Variants in ZNF462 observed in about 807,000 individuals in gnomAD.
ZNF462 encodes the protein zinc finger PBX1-interacting protein.
ZNF462 carries 10 observed loss-of-function variants against 201.9 expected under a neutral mutation model. That is an observed-to-expected ratio of 0.05 (90% CI 0.03 to 0.08). The LOEUF (loss-of-function observed/expected upper bound fraction) is 0.08, where lower values mean the gene tolerates loss of function less well. ZNF462 is among the 10% of genes least tolerant of loss of function. ZNF462 has a pLI of 1.00. For missense variants in ZNF462, 2,523 were observed against 3,168.3 expected, an observed-to-expected ratio of 0.80 and a Z score of 4.89; for synonymous variants, 1,227 against 1,193.3, an observed-to-expected ratio of 1.03 and a Z score of -0.58.
Position 106,872,060 on chromosome 9 carries a change from A to G in ZNF462, c.-31+8705A>G, listed in dbSNP as rs1163809207. Among the ~76,000 whole-genome samples the G allele has an allele frequency of 1.3e-5, 2 of 152,214 alleles. No individual in the cohort carries two copies. Among genetic ancestry groups the G allele is most frequent in the Non-Finnish European group, 2.9e-5 (2 of 68,036 alleles). The stretch of plus-strand genomic sequence containing the variant: ...ATCCAAAATAAGGCCACTGTGGTCC[A>G]GAATGTTTAGCCATTCTAATCCCTA... On this transcript the variant is annotated intron_variant, in intron 1 of 12. Coordinates refer to ENST00000277225, the MANE Select transcript of ZNF462 (RefSeq NM_021224.6). This position sits in a 1 kb window ranked among gnomAD's most constrained non-coding sequence, Gnocchi z 4.5.
chr9:107,000,715 AT>A, intron 10 of ZNF462, among the ~76,000 whole-genome samples: 1 of 152,214 alleles, frequency 6.6e-6, no homozygotes, highest in Non-Finnish European at 1.5e-5. Flanking sequence ...GTCATGTACT[AT>A]TTTAAAATCA....
At chr9:106,903,340 G>C (rs192263814) in intron 1 of ZNF462, among the ~76,000 whole-genome samples, 103 of 152,148 alleles carry the variant, frequency 6.8e-4, no homozygotes, top group Admixed American at 1.1e-3. Flanking sequence ...TCATTTTGTG[G>C]CCTATCATAT....
intron 1 of ZNF462, among the ~76,000 whole-genome samples, chr9:106,904,872 C>T (rs1055682777): frequency 5.3e-5 from 8 of 152,156 alleles, no homozygotes; most frequent in Admixed American, 6.5e-5. Context: ...TCTCTGGTCT[C>T]GCCCTGATTA....
At chr9:106,921,615 G>T (rs1829995081) in intron 1 of ZNF462, among the ~76,000 whole-genome samples, 1 of 152,240 alleles carries the variant, frequency 6.6e-6, no homozygotes, top group African/African-American at 2.4e-5. Flanking sequence ...GGCTTGTTTG[G>T]CTGAGATGAA....
In ZNF462 at chr9:106,925,982, G is replaced by A. The variant is rs147884090; in HGVS notation, c.2070G>A (p.Val690=). The A allele has an allele frequency of 6.3e-5, 102 of 1,614,070 alleles. No homozygotes were observed. Among genetic ancestry groups the A allele is most frequent in the Non-Finnish European group, 8.1e-5 (95 of 1,180,044 alleles). ...ACTTTCCTCTAGATTTGTCACCCGT[G>A]AAGAAGAGAACCAGGATTGACGAGA... ...ANDFPLDLSP[V]KKRTRIDEIA... Residue 690 remains valine (V), a synonymous_variant, in exon 3 of 13, where the codon GTG becomes GTA. Transcript: ENST00000277225. The surrounding 1 kb of genome is among the most constrained non-coding windows in gnomAD (Gnocchi z 7.9).
chr9:106,923,528 G>A lies in ZNF462; in HGVS notation c.145G>A (p.Val49Met), dbSNP rs199632466. 158 of 1,614,106 alleles carry A rather than the reference G, an allele frequency of 9.8e-5. No individual in the cohort carries two copies. The highest frequency in any genetic ancestry group is 2.5e-4 in the African/African-American group (19 of 74,944). Residue 49 changes from valine (V) to methionine (M), a missense_variant, in exon 2 of 13, where the codon GTG becomes ATG. Around this residue, in one of 15 missense-constraint regions of ZNF462, gnomAD observed 480 missense variants for 544.4 expected, o/e 0.88. Coordinates refer to ENST00000277225, the MANE Select transcript of ZNF462 (RefSeq NM_021224.6). This position sits in a 1 kb window ranked among gnomAD's most constrained non-coding sequence, Gnocchi z 5.6. ...DNVNELRCGSVNASNQTEVEF... is the reference protein window; with the variant it reads ...DNVNELRCGSMNASNQTEVEF... ...TGTGAATGAGCTACGATGTGGGTCC[G>A]TGAATGCCAGTAATCAGACAGAGGT... is the stretch of plus-strand genomic sequence containing the variant.
Position 107,003,449 on chromosome 9 carries a change from A to G in ZNF462, c.7189+23A>G. On this transcript the variant is annotated intron_variant, in intron 11 of 12. Transcript: ENST00000277225. This position sits in a 1 kb window ranked among gnomAD's most constrained non-coding sequence, Gnocchi z 4.4. ...GAGGTTAGTCTCATCCTGCCCTCCC[A>G]ATCCCAGATGGCATCTGGCATGTCC... The G allele has an allele frequency of 6.2e-7, 1 of 1,611,702 alleles. No individual in the cohort carries two copies. The highest frequency in any genetic ancestry group is 8.5e-7 in the Non-Finnish European group (1 of 1,179,072).
In ZNF462 at chr9:106,993,674, A is replaced by G. The variant is rs1437291235; in HGVS notation, c.7056+9265A>G. ...TGCATTCTCTGTCCCCCAACATTCT[A>G]CCCCCCAACACACATAGTGAATTAT... On this transcript the variant is annotated intron_variant, in intron 10 of 12. Coordinates refer to ENST00000277225, the MANE Select transcript of ZNF462 (RefSeq NM_021224.6). The surrounding 1 kb of genome is among the most constrained non-coding windows in gnomAD (Gnocchi z 4.0). 7.9e-6 allele frequency among the ~76,000 whole-genome samples: 1 copy of G among 126,952 alleles called. No individual in the cohort carries two copies. The highest frequency in any genetic ancestry group is 1.6e-5 in the Non-Finnish European group (1 of 61,954). The allele number at this position is 126,952 out of a possible 152,430, so 83.3% of individuals were successfully genotyped here.
Position 106,924,566 on chromosome 9 carries a change from A to G in ZNF462, c.654A>G (p.Glu218=), listed in dbSNP as rs770233991. Residue 218 remains glutamate (E), a synonymous_variant, in exon 3 of 13, where the codon GAA becomes GAG. Coordinates refer to ENST00000277225, the MANE Select transcript of ZNF462 (RefSeq NM_021224.6). The surrounding 1 kb of genome is among the most constrained non-coding windows in gnomAD (Gnocchi z 6.2). The stretch of plus-strand genomic sequence containing the variant: ...TATCACTGCAGGACCCCTGCAAGGA[A>G]CTGCCAGCAGAGGTTGTGGAGCGCA... The part of the protein sequence containing the change: ...PPVSLQDPCK[E]LPAEVVERSI... 5 of 1,614,184 alleles carry G rather than the reference A, an allele frequency of 3.1e-6. No homozygotes were observed. The highest frequency in any genetic ancestry group is 2.2e-5 in the East Asian group (1 of 44,884).
chr9:106,900,861 C>G (rs541122198), intron 1 of ZNF462, among the ~76,000 whole-genome samples: 1 of 152,208 alleles, frequency 6.6e-6, no homozygotes, highest in East Asian at 1.9e-4. Context: ...CTGACTCTTC[C>G]TTTTGCTGTG....
Position 106,886,781 on chromosome 9 carries a change from GC to G in ZNF462, c.-31+23427del, listed in dbSNP as rs1314999246. Among the ~76,000 whole-genome samples, 1 of 152,142 alleles carries G rather than the reference GC, an allele frequency of 6.6e-6. No homozygotes were observed. Among genetic ancestry groups the G allele is most frequent in the Non-Finnish European group, 1.5e-5 (1 of 68,026 alleles). ...TGCTTATTCCACTACAACAGTGTTG[GC>G]AGATAGCTTCTATTTCTCGTGCCAA... On this transcript the variant is annotated intron_variant, in intron 1 of 12. Coordinates refer to ENST00000277225, the MANE Select transcript of ZNF462 (RefSeq NM_021224.6). This position sits in a 1 kb window ranked among gnomAD's most constrained non-coding sequence, Gnocchi z 4.6.
intron 7 of ZNF462, among the ~76,000 whole-genome samples, chr9:106,945,441 A>G (rs1282422751): frequency 6.6e-6 from 1 of 152,326 alleles, no homozygotes; most frequent in South Asian, 2.1e-4. Context: ...GTTAGTTGCT[A>G]GGGCATCAGC....
intron 1 of ZNF462, among the ~76,000 whole-genome samples, chr9:106,875,189 CT>C (rs1023523620): frequency 1.6e-4 from 25 of 152,244 alleles, no homozygotes; most frequent in Middle Eastern, 3.4e-3. Context: ...TTTCCATGAT[CT>C]TTCCCCCATC....
chr9:106,980,665 C>T (rs1292653849), intron 9 of ZNF462, among the ~76,000 whole-genome samples: 3 of 152,136 alleles, frequency 2.0e-5, no homozygotes, highest in African/African-American at 4.8e-5. Context: ...CCAACCTCTT[C>T]GGTTTTATGT....
At position 106,878,961 on chromosome 9, in the gene ZNF462, A is replaced by C. The variant is rs187345221; in HGVS notation, c.-31+15606A>C. The stretch of plus-strand genomic sequence containing the variant: ...AGACATGCTGCTGTAAACTGTCCCC[A>C]CATTTGGATAGAATTTAATAAAGTA... On this transcript the variant is annotated intron_variant, in intron 1 of 12. Coordinates refer to ENST00000277225, the MANE Select transcript of ZNF462 (RefSeq NM_021224.6). Among the ~76,000 whole-genome samples, 80 of 152,194 alleles carry C rather than the reference A, an allele frequency of 5.3e-4. 1 individual carries two copies. Among genetic ancestry groups the C allele is most frequent in the Non-Finnish European group, 1.0e-4 (7 of 67,966 alleles).
chr9:106,922,849 G>T (rs1260789801), intron 1 of ZNF462, among the ~76,000 whole-genome samples: 2 of 152,270 alleles, frequency 1.3e-5, no homozygotes, highest in East Asian at 3.9e-4. Flanking sequence ...CCACCCCCAA[G>T]ATTTAAATAC....
In ZNF462 at chr9:106,924,973, C is replaced by T; in HGVS notation, c.1061C>T (p.Ser354Phe). 1 of 1,614,206 alleles carries T rather than the reference C, an allele frequency of 6.2e-7. No homozygotes were observed. Among genetic ancestry groups the T allele is most frequent in the Non-Finnish European group, 8.5e-7 (1 of 1,180,030 alleles). Residue 354 changes from serine (S) to phenylalanine (F), a missense_variant, in exon 3 of 13, where the codon TCT becomes TTT. Ser to Phe is a radical substitution (Grantham distance 155). Around this residue, in one of 15 missense-constraint regions of ZNF462, gnomAD observed 480 missense variants for 544.4 expected, o/e 0.88. Coordinates refer to ENST00000277225, the MANE Select transcript of ZNF462 (RefSeq NM_021224.6). This position sits in a 1 kb window ranked among gnomAD's most constrained non-coding sequence, Gnocchi z 6.2. Reference protein sequence around the residue: ...PQMKPKSPHNSGLVNLTERSR... With the variant: ...PQMKPKSPHNFGLVNLTERSR... ...ATGAAGCCGAAGTCACCTCACAATTCTGGTCTAGTTAACTTGACAGAGAGA... is the reference window on the plus strand; with the variant it reads ...ATGAAGCCGAAGTCACCTCACAATTTTGGTCTAGTTAACTTGACAGAGAGA...
Position 106,880,400 on chromosome 9 carries a change from T to C in ZNF462, c.-31+17045T>C, listed in dbSNP as rs1386970054. On this transcript the variant is annotated intron_variant, in intron 1 of 12. Transcript: ENST00000277225. The surrounding 1 kb of genome is among the most constrained non-coding windows in gnomAD (Gnocchi z 4.1). The stretch of plus-strand genomic sequence containing the variant: ...CTACCTTACCACTTGTTTTCCATAG[T>C]TGAGAAAACTTTGAAGTGGTGTTGG... Among the ~76,000 whole-genome samples the C allele has an allele frequency of 3.3e-5, 5 of 152,236 alleles. No homozygotes were observed. The highest frequency in any genetic ancestry group is 9.6e-5 in the African/African-American group (4 of 41,466).
chr9:106,878,428 G>A (rs1238956972), intron 1 of ZNF462, among the ~76,000 whole-genome samples: 1 of 152,222 alleles, frequency 6.6e-6, no homozygotes, highest in Non-Finnish European at 1.5e-5. Context: ...GATAGAGTTG[G>A]AAATAATTTA....
Sources: gnomAD v4.1 joint callset for allele counts (sites outside exome capture counted in the v4.1 genomes callset) on GRCh38, gnomAD v4.1.1 for gene constraint, gnomAD v4.1.1 regional missense constraint, Gnocchi (gnomAD v3.1) non-coding constraint, MANE v1.5 for transcripts, NCBI Gene and HGNC (gene_info 2026-07-23, HGNC 2026-07-21) for gene names.